GPC5: variants seen among roughly 807,000 people sequenced by gnomAD.
GPC5 encodes the protein glypican-5.
Under a neutral mutation model 53.9 loss-of-function variants are expected in GPC5, and 47 were observed. The ratio of observed to expected loss-of-function variants is 0.87; its 90% CI spans 0.69 to 1.11. The LOEUF (loss-of-function observed/expected upper bound fraction) is 1.11. Ranked by LOEUF, GPC5 falls within the 50% of genes most tolerant of loss-of-function variation. The pLI is 0.00. For synonymous variants in GPC5, 286 were observed against 263.3 expected (o/e 1.09, Z -0.84); for missense variants, 748 against 713.1 (o/e 1.05, Z -0.56).
At chr13:92,432,958 A>G (rs1043585820) in intron 7 of GPC5, among the ~76,000 whole-genome samples, 7 of 152,190 alleles carry the variant, frequency 4.6e-5, no homozygotes, top group African/African-American at 1.7e-4. Flanking sequence ...TGAGCTTATT[A>G]GAGAAACTGT....
chr13:91,535,626 C>T (rs1335016283), intron 2 of GPC5, among the ~76,000 whole-genome samples: 2 of 152,080 alleles, frequency 1.3e-5, no homozygotes, highest in Non-Finnish European at 2.9e-5. Flanking sequence ...GACACAGGCT[C>T]TCTTCTCAGA....
chr13:92,124,544 T>C (rs1409542809), intron 6 of GPC5, among the ~76,000 whole-genome samples: 2 of 152,134 alleles, frequency 1.3e-5, no homozygotes, highest in Non-Finnish European at 2.9e-5. Flanking sequence ...CTTTTGACCA[T>C]TGAGAATGAG....
chr13:91,991,142 C>T (rs77542124), intron 6 of GPC5, among the ~76,000 whole-genome samples: 1 of 152,162 alleles, frequency 6.6e-6, no homozygotes, highest in Non-Finnish European at 1.5e-5. Context: ...CTATGATGAT[C>T]GTACACAATG....
chr13:92,777,835 C>T (rs1023442697), intron 7 of GPC5, among the ~76,000 whole-genome samples: 2 of 152,324 alleles, frequency 1.3e-5, no homozygotes, highest in South Asian at 4.1e-4. Flanking sequence ...TCACTTACTC[C>T]ACATGCCTTC....
intron 7 of GPC5, among the ~76,000 whole-genome samples, chr13:92,548,958 G>A (rs1435525715): frequency 5.3e-5 from 8 of 152,048 alleles, no homozygotes. Flanking sequence ...AAGGTGACAG[G>A]TGGTACAATA....
In GPC5 at chr13:91,525,284, A is replaced by C. The variant is rs181081590; in HGVS notation, c.325+76362A>C. 1.6e-3 allele frequency among the ~76,000 whole-genome samples: 248 copies of C among 152,374 alleles called. 1 individual carries two copies. The highest frequency in any genetic ancestry group is 2.9e-3 in the Non-Finnish European group (195 of 68,028). Reference sequence around the variant, plus strand: ...GATTTAATAAATTATGTAATCAATAAAAATCTTAAAGGAAGATGTTTATAT... The same window carrying C: ...GATTTAATAAATTATGTAATCAATACAAATCTTAAAGGAAGATGTTTATAT... On this transcript the variant is annotated intron_variant, in intron 2 of 7. Coordinates refer to ENST00000377067, the MANE Select transcript of GPC5 (RefSeq NM_004466.6).
chr13:91,581,151 G>T (rs1250296927), intron 2 of GPC5, among the ~76,000 whole-genome samples: 2 of 152,150 alleles, frequency 1.3e-5, no homozygotes, highest in Admixed American at 6.5e-5. Context: ...GTGGGAACTA[G>T]AATTCAAGAT....
chr13:91,927,092 T>A (rs1209050801), intron 6 of GPC5, among the ~76,000 whole-genome samples: 1 of 152,174 alleles, frequency 6.6e-6, no homozygotes, highest in Non-Finnish European at 1.5e-5. Flanking sequence ...TAGAAGTGAT[T>A]TCTCAGTCAG....
chr13:91,990,483 A>G (rs1281160220), intron 6 of GPC5, among the ~76,000 whole-genome samples: 1 of 152,242 alleles, frequency 6.6e-6, no homozygotes. Context: ...TGGTAACACC[A>G]AGACAAAGGC....
At chr13:91,482,943 G>A (rs145924482) in intron 2 of GPC5, among the ~76,000 whole-genome samples, 1 of 151,898 alleles carries the variant, frequency 6.6e-6, no homozygotes, top group African/African-American at 2.4e-5. Context: ...TAGGAGTACA[G>A]CTGAAATTGA....
chr13:91,906,320 C>G (rs79088931), intron 5 of GPC5, among the ~76,000 whole-genome samples: 176 of 152,086 alleles, frequency 1.2e-3, no homozygotes, highest in African/African-American at 4.2e-3. Context: ...CTTCAAGTTA[C>G]AATTTCTCCC....
intron 6 of GPC5, among the ~76,000 whole-genome samples, chr13:92,115,276 A>C (rs900995907): frequency 6.6e-6 from 1 of 152,196 alleles, no homozygotes; most frequent in Non-Finnish European, 1.5e-5. Context: ...CGGGAGGCCG[A>C]GGTGGGTAGA....
At chr13:92,857,545 A>G (rs1431028538) in intron 7 of GPC5, among the ~76,000 whole-genome samples, 1 of 152,112 alleles carries the variant, frequency 6.6e-6, no homozygotes, top group African/African-American at 2.4e-5. Context: ...TACATAATGG[A>G]TAAAAATATT....
chr13:92,027,464 C>A (rs554677517), intron 6 of GPC5, among the ~76,000 whole-genome samples: 1 of 152,148 alleles, frequency 6.6e-6, no homozygotes, highest in Admixed American at 6.5e-5. Context: ...TGGTTAAAGT[C>A]ACGGTTTTCA....
chr13:92,839,774 CAAAT>C (rs1019517739), intron 7 of GPC5, among the ~76,000 whole-genome samples: 2 of 151,912 alleles, frequency 1.3e-5, no homozygotes, highest in Non-Finnish European at 2.9e-5. Context: ...AGAGACTACT[CAAAT>C]AAACGCAATC....
At chr13:92,866,132 C>T (rs1879325409) in intron 7 of GPC5, 150 bp from the exon 8 acceptor site, 1 of 498,814 alleles carries the variant, frequency 2.0e-6, no homozygotes, top group Non-Finnish European at 3.3e-6. Flanking sequence ...ACAGAAATAC[C>T]TGTGTCATAT....
intron 2 of GPC5, among the ~76,000 whole-genome samples, chr13:91,549,318 A>G (rs574092188): frequency 6.6e-6 from 1 of 152,012 alleles, no homozygotes; most frequent in East Asian, 1.9e-4. Context: ...ATACAGGAGA[A>G]GATCTAGATA....
At chr13:92,606,499 TG>T (rs1202702877) in intron 7 of GPC5, among the ~76,000 whole-genome samples, 2 of 152,248 alleles carry the variant, frequency 1.3e-5, no homozygotes, top group Admixed American at 6.5e-5. Context: ...TGTGGACATT[TG>T]GGTTGGTTCC....
intron 7 of GPC5, among the ~76,000 whole-genome samples, chr13:92,303,609 C>T (rs924703731): frequency 1.3e-5 from 2 of 152,018 alleles, no homozygotes; most frequent in Non-Finnish European, 1.5e-5. Flanking sequence ...TGATGAAATG[C>T]CAGATGGTGG....
Sources: allele counts gnomAD v4.1 joint callset (sites outside exome capture counted in the v4.1 genomes callset), GRCh38; gene constraint gnomAD v4.1.1; transcripts MANE v1.5; gene names NCBI Gene and HGNC (gene_info 2026-07-23, HGNC 2026-07-21).